MKLN1: variants seen among roughly 807,000 people sequenced by gnomAD.
MKLN1 encodes the protein muskelin 1.
A neutral mutation model predicts 99.0 loss-of-function variants in MKLN1; 18 were observed. That is an observed-to-expected ratio of 0.18 (90% CI 0.13 to 0.27). The LOEUF is 0.27. Ranked by LOEUF, MKLN1 falls within the 10% of genes least tolerant of loss-of-function variation. The pLI, the probability that MKLN1 is intolerant of heterozygous loss-of-function variation, is 1.00. For missense variants in MKLN1, 621 were observed against 875.9 expected (o/e 0.71, Z 3.67); for synonymous variants, 288 against 293.2 (o/e 0.98, Z 0.18).
chr7:131,339,957 T>C (rs917464181), intron 1 of MKLN1, among the ~76,000 whole-genome samples: 5 of 152,130 alleles, frequency 3.3e-5, no homozygotes, highest in Admixed American at 1.3e-4. Context: ...ATCACCTATG[T>C]ATTTTTTGTT....
At chr7:131,298,101 C>T (rs968590810) in intron 3 of MKLN1, among the ~76,000 whole-genome samples, 5 of 151,144 alleles carry the variant, frequency 3.3e-5, no homozygotes, top group African/African-American at 1.2e-4. Context: ...GAAACCCCGT[C>T]TCTACTAAAA....
chr7:131,459,022 C>T (rs966231776), intron 12 of MKLN1, among the ~76,000 whole-genome samples: 1 of 152,150 alleles, frequency 6.6e-6, no homozygotes, highest in African/African-American at 2.4e-5. Flanking sequence ...GCATGTGAGC[C>T]TTCAGAAGAA....
chr7:131,274,574 G>A (rs961078002), intron 3 of MKLN1, among the ~76,000 whole-genome samples: 4 of 150,362 alleles, frequency 2.7e-5, no homozygotes, highest in African/African-American at 9.8e-5. Flanking sequence ...GTCCAAGCAG[G>A]TCAAGGCTGC....
intron 3 of MKLN1, among the ~76,000 whole-genome samples, chr7:131,268,896 C>T (rs62472002): frequency 0.041 from 6,186 of 152,290 alleles, 183 homozygotes; most frequent in South Asian, 0.07. Flanking sequence ...ATTAATGTCT[C>T]GGTCAGTTTC....
intron 8 of MKLN1, among the ~76,000 whole-genome samples, chr7:131,422,571 A>G (rs909265730): frequency 3.9e-5 from 6 of 152,316 alleles, no homozygotes; most frequent in Admixed American, 3.9e-4. Context: ...TGTTTTAAAA[A>G]AAGAACACCT....
At chr7:131,311,933 T>G (rs1036367245) in intron 3 of MKLN1, among the ~76,000 whole-genome samples, 13 of 152,176 alleles carry the variant, frequency 8.5e-5, no homozygotes, top group African/African-American at 1.2e-4. Context: ...TGCATCAGTA[T>G]ATTATTAATC....
intron 8 of MKLN1, among the ~76,000 whole-genome samples, chr7:131,422,085 T>C (rs1795211257): frequency 6.6e-6 from 1 of 152,188 alleles, no homozygotes. Context: ...TAGTAAAATA[T>C]AGTTTAAAGA....
intron 17 of MKLN1, among the ~76,000 whole-genome samples, chr7:131,481,520 T>C (rs944264745): frequency 1.3e-5 from 2 of 152,194 alleles, no homozygotes; most frequent in Non-Finnish European, 2.9e-5. Flanking sequence ...CAGAGTAACA[T>C]AGCAGGATCT....
chr7:131,382,129 T>C (rs889704781), intron 2 of MKLN1, among the ~76,000 whole-genome samples: 5 of 151,828 alleles, frequency 3.3e-5, no homozygotes, highest in African/African-American at 1.2e-4. Context: ...CTTTGGGAGG[T>C]CGAGGCAGGC....
chr7:131,196,639 G>C (rs1796649566), intron 2 of MKLN1, among the ~76,000 whole-genome samples: 1 of 152,126 alleles, frequency 6.6e-6, no homozygotes, highest in Non-Finnish European at 1.5e-5. Flanking sequence ...TAGAATGTGT[G>C]TGTGTTTGCT....
intron 3 of MKLN1, among the ~76,000 whole-genome samples, chr7:131,203,604 A>G (rs1176230737): frequency 6.6e-6 from 1 of 152,252 alleles, no homozygotes; most frequent in Non-Finnish European, 1.5e-5. Context: ...GAAAAATATG[A>G]TCTTCAGTGG....
At chr7:131,177,318 A>T (rs975736607) in intron 2 of MKLN1, among the ~76,000 whole-genome samples, 5 of 152,084 alleles carry the variant, frequency 3.3e-5, no homozygotes, top group African/African-American at 9.7e-5. Context: ...ATACAAAAAA[A>T]TTAGCCAGAC....
At chr7:131,443,986 A>G (rs1795920270) in intron 11 of MKLN1, among the ~76,000 whole-genome samples, 3 of 152,110 alleles carry the variant, frequency 2.0e-5, no homozygotes, top group African/African-American at 7.2e-5. Context: ...CTTTCCACTT[A>G]CGTCTCTTAG....
At chr7:131,352,678 C>G (rs1027467384) in intron 1 of MKLN1, among the ~76,000 whole-genome samples, 2 of 151,974 alleles carry the variant, frequency 1.3e-5, no homozygotes, top group African/African-American at 4.8e-5. Flanking sequence ...TTTGTAGATT[C>G]TTTTTGCCGT....
intron 3 of MKLN1, among the ~76,000 whole-genome samples, chr7:131,251,431 A>G (rs1240303181): frequency 6.6e-6 from 1 of 152,156 alleles, no homozygotes; most frequent in East Asian, 1.9e-4. Flanking sequence ...CTCATCTTAT[A>G]CATGAGCTTA....
chr7:131,444,195 C>A (rs1407688061), intron 11 of MKLN1, among the ~76,000 whole-genome samples: 4 of 150,842 alleles, frequency 2.7e-5, no homozygotes, highest in Admixed American at 1.3e-4. Flanking sequence ...AGTAAAAATA[C>A]AAAAATTAGC....
chr7:131,474,651 A>G (rs1251746180), intron 16 of MKLN1, among the ~76,000 whole-genome samples: 1 of 152,252 alleles, frequency 6.6e-6, no homozygotes, highest in Non-Finnish European at 1.5e-5. Context: ...TAAGTAGGAA[A>G]TAAGAAATTC....
At chr7:131,275,555 ATATATATATATATTTTTTTTTT>A (rs1303061070) in intron 3 of MKLN1, among the ~76,000 whole-genome samples, 11 of 16,794 alleles carry the variant, frequency 6.5e-4, no homozygotes, top group African/African-American at 1.9e-3. Context: ...ATATATATAT[ATATATATATATATTTTTTTTTT>A]TTTTTTTTTT....
intron 3 of MKLN1, among the ~76,000 whole-genome samples, chr7:131,226,761 G>T (rs1275552074): frequency 6.6e-6 from 1 of 152,020 alleles, no homozygotes; most frequent in Non-Finnish European, 1.5e-5. Flanking sequence ...CATGCATTCT[G>T]GTATATATCC....
Sources: allele counts gnomAD v4.1 joint callset (sites outside exome capture counted in the v4.1 genomes callset), GRCh38; gene constraint gnomAD v4.1.1; transcripts MANE v1.5; gene names NCBI Gene and HGNC (gene_info 2026-07-23, HGNC 2026-07-21).